DDAH1: variants seen among roughly 807,000 people sequenced by gnomAD.
DDAH1 encodes N(G),N(G)-dimethylarginine dimethylaminohydrolase 1.
Under a neutral mutation model 28.8 loss-of-function variants are expected in DDAH1, and 19 were observed. That is an observed-to-expected ratio of 0.66 (90% CI 0.46 to 0.97). The LOEUF (loss-of-function observed/expected upper bound fraction) is 0.97. Ranked by LOEUF, DDAH1 falls within the 50% of genes least tolerant of loss-of-function variation. The probability of loss-of-function intolerance (pLI) is 0.00; values close to 1 mark genes in which losing one functional copy is unlikely to be tolerated. For synonymous variants in DDAH1, 153 were observed against 154.4 expected (o/e 0.99, Z 0.07); for missense variants, 326 against 375.9 (o/e 0.87, Z 1.10).
chr1:85,424,508 AAAG>A (rs1418646798), intron 1 of DDAH1, among the ~76,000 whole-genome samples: 1 of 152,102 alleles, frequency 6.6e-6, no homozygotes, highest in Non-Finnish European at 1.5e-5. Context: ...TAAGTAAAGA[AAAG>A]AAGATCTTTG....
intron 1 of DDAH1, among the ~76,000 whole-genome samples, chr1:85,366,919 A>G (rs931739478): frequency 6.6e-6 from 1 of 152,186 alleles, no homozygotes; most frequent in Non-Finnish European, 1.5e-5. Flanking sequence ...CAGTAGTGAG[A>G]TAAGTATATG....
At chr1:85,473,672 C>T (rs1440031572) in intron 2 of DDAH1, among the ~76,000 whole-genome samples, 2 of 152,092 alleles carry the variant, frequency 1.3e-5, no homozygotes, top group Non-Finnish European at 2.9e-5. Flanking sequence ...TACACATGTC[C>T]AAAGAATCCT....
At chr1:85,556,475 C>T (rs1242439147) in intron 1 of DDAH1, among the ~76,000 whole-genome samples, 3 of 152,124 alleles carry the variant, frequency 2.0e-5, no homozygotes, top group African/African-American at 7.2e-5. Flanking sequence ...TATTTTTAGT[C>T]ATCAAAGCAT....
intron 1 of DDAH1, among the ~76,000 whole-genome samples, chr1:85,560,199 C>G (rs559866197): frequency 1.4e-4 from 21 of 152,186 alleles, no homozygotes; most frequent in African/African-American, 5.1e-4. Context: ...GAAAGCCTGT[C>G]AATCTACAAT....
chr1:85,509,586 C>A (rs982804018), intron 1 of DDAH1, among the ~76,000 whole-genome samples: 1 of 152,036 alleles, frequency 6.6e-6, no homozygotes, highest in Non-Finnish European at 1.5e-5. Flanking sequence ...AGCTAAAAAC[C>A]TTGAAAAAAG....
intron 1 of DDAH1, among the ~76,000 whole-genome samples, chr1:85,564,282 C>G (rs112087424): frequency 1.3e-5 from 2 of 151,982 alleles, no homozygotes; most frequent in African/African-American, 4.8e-5. Context: ...GATTAATGAA[C>G]TTGAGATATA....
intron 2 of DDAH1, among the ~76,000 whole-genome samples, chr1:85,476,425 C>T (rs1294593416): frequency 6.6e-6 from 1 of 152,176 alleles, no homozygotes; most frequent in African/African-American, 2.4e-5. Context: ...AAGCTGGGAA[C>T]CACTTTCCAG....
At chr1:85,522,417 A>C (rs1469608430) in intron 1 of DDAH1, among the ~76,000 whole-genome samples, 1 of 126,536 alleles carries the variant, frequency 7.9e-6, no homozygotes, top group Non-Finnish European at 1.7e-5. Flanking sequence ...AAAAACATTT[A>C]AACTACAGAA....
In DDAH1 at chr1:85,491,611, T is replaced by C. The variant is rs963182529; in HGVS notation, c.-7+4555A>G. Among the ~76,000 whole-genome samples the C allele has an allele frequency of 4.6e-5, 7 of 152,222 alleles. No individual in the cohort carries two copies. The South Asian group carries it at 1.2e-3, about 27-fold the overall frequency. The stretch of plus-strand genomic sequence containing the variant: ...GTCCAGACATCCATAGGACCAGCTG[T>C]CCACATTCTGTGTTTGGGTGACATC... On this transcript the variant is annotated intron_variant, in intron 2 of 6. Transcript: ENST00000426972.
intron 1 of DDAH1, among the ~76,000 whole-genome samples, chr1:85,415,562 T>C (rs1219031097): frequency 6.6e-6 from 1 of 152,166 alleles, no homozygotes; most frequent in Non-Finnish European, 1.5e-5. Flanking sequence ...TATTCATACA[T>C]TGAAATACAT....
intron 1 of DDAH1, among the ~76,000 whole-genome samples, chr1:85,537,469 GAAA>G (rs796994701): frequency 7.9e-6 from 1 of 125,888 alleles, no homozygotes. Flanking sequence ...TGTGGAATCT[GAAA>G]AAAAAAAAAG....
intron 4 of DDAH1, among the ~76,000 whole-genome samples, chr1:85,336,198 C>A (rs1439015554): frequency 6.6e-6 from 1 of 152,084 alleles, no homozygotes; most frequent in African/African-American, 2.4e-5. Flanking sequence ...GCAGAATACA[C>A]ATTCTTCTTA....
At chr1:85,394,758 G>A (rs183416445) in intron 1 of DDAH1, among the ~76,000 whole-genome samples, 254 of 152,258 alleles carry the variant, frequency 1.7e-3, no homozygotes, top group Non-Finnish European at 3.2e-3. Flanking sequence ...AAGTAAATGA[G>A]TTAAAGGTTT....
chr1:85,343,034 AGGCTATGT>A (rs1256002862), intron 4 of DDAH1, among the ~76,000 whole-genome samples: 1 of 152,170 alleles, frequency 6.6e-6, no homozygotes, highest in Non-Finnish European at 1.5e-5. Flanking sequence ...GCCCCTTATA[AGGCTATGT>A]GGCCAACCAT....
At chr1:85,339,408 G>C (rs898529105) in intron 4 of DDAH1, among the ~76,000 whole-genome samples, 2 of 152,150 alleles carry the variant, frequency 1.3e-5, no homozygotes, top group African/African-American at 4.8e-5. Context: ...ATAGTGTGAT[G>C]AGTAATATGG....
chr1:85,534,197 G>T (rs1164765668), intron 1 of DDAH1, among the ~76,000 whole-genome samples: 1 of 152,164 alleles, frequency 6.6e-6, no homozygotes, highest in Non-Finnish European at 1.5e-5. Flanking sequence ...CCACAATTCA[G>T]AATAGCCTTT....
intron 2 of DDAH1, among the ~76,000 whole-genome samples, chr1:85,474,798 T>C (rs1655738643): frequency 6.6e-6 from 1 of 152,132 alleles, no homozygotes; most frequent in Non-Finnish European, 1.5e-5. Flanking sequence ...TCAGTTCCTA[T>C]AAAATAAGAA....
intron 1 of DDAH1, among the ~76,000 whole-genome samples, chr1:85,502,780 CT>C (rs894498751): frequency 6.6e-6 from 1 of 152,222 alleles, no homozygotes; most frequent in Non-Finnish European, 1.5e-5. Flanking sequence ...TCTTTTGCTG[CT>C]TCTCTTCTGG....
At chr1:85,462,017 T>C (rs183677175) in intron 1 of DDAH1, among the ~76,000 whole-genome samples, 4 of 152,294 alleles carry the variant, frequency 2.6e-5, no homozygotes, top group African/African-American at 9.6e-5. Context: ...AAATAGGAAT[T>C]ATGATAGTAT....
Sources: allele counts gnomAD v4.1 joint callset (sites outside exome capture counted in the v4.1 genomes callset), GRCh38; gene constraint gnomAD v4.1.1; transcripts MANE v1.5; gene names NCBI Gene and HGNC (gene_info 2026-07-23, HGNC 2026-07-21).